The following HAUS8 variants were observed in gnomAD, a reference collection of about 807,000 sequenced individuals.
The protein encoded by HAUS8 is HAUS augmin like complex subunit 8.
In HAUS8, 38 loss-of-function variants were observed where a neutral mutation model predicts 42.9. The observed-to-expected ratio is 0.89, with a 90% CI of 0.68 to 1.16. The LOEUF (loss-of-function observed/expected upper bound fraction) is 1.16. HAUS8 is among the 50% of genes most tolerant of loss of function. HAUS8 has a pLI of 0.00. For missense variants in HAUS8, 494 were observed against 511.6 expected (o/e 0.97, Z 0.33); for synonymous variants, 199 against 205.8 (o/e 0.97, Z 0.28).
intron 2 of HAUS8, among the ~76,000 whole-genome samples, chr19:17,072,647 C>CT (rs889912501): frequency 1.4e-4 from 21 of 150,876 alleles, no homozygotes; most frequent in African/African-American, 2.2e-4. Flanking sequence ...GCCACATTTC[C>CT]TTTTTTTTTG....
intron 10 of HAUS8, chr19:17,051,855 G>C (rs2057289356): frequency 6.6e-6 from 1 of 151,592 alleles, no homozygotes; most frequent in African/African-American, 2.4e-5. Context: ...TTTTTAAATA[G>C]AGAGGCCCGG....
chr19:17,072,595 G>C (rs8101561), intron 2 of HAUS8, among the ~76,000 whole-genome samples: 106,165 of 151,140 alleles, frequency 0.7, 37,769 homozygotes, highest in African/African-American at 0.8. Flanking sequence ...CCACCTTGGC[G>C]CCTCAAACTG....
intron 3 of HAUS8, among the ~76,000 whole-genome samples, chr19:17,064,722 A>G (rs575935032): frequency 8.5e-5 from 13 of 152,360 alleles, no homozygotes; most frequent in African/African-American, 2.9e-4. Flanking sequence ...ACTAACTCAC[A>G]GACTTAAAAG....
At chr19:17,055,748 G>A in intron 9 of HAUS8, 113 bp downstream of exon 9, 1 of 1,185,776 alleles carries the variant, frequency 8.4e-7, no homozygotes, top group Non-Finnish European at 1.2e-6. Context: ...CCCATCCTCT[G>A]CCTTAGTTGG....
intron 3 of HAUS8, among the ~76,000 whole-genome samples, chr19:17,063,719 A>G (rs563102618): frequency 5.9e-5 from 9 of 152,150 alleles, no homozygotes; most frequent in Non-Finnish European, 1.2e-4. Flanking sequence ...GCCTGAATAC[A>G]ACAAAACAGT....
In HAUS8 at chr19:17,050,753, G is replaced by A. The variant is rs183278105; in HGVS notation, c.930-577C>T. Among the ~76,000 whole-genome samples the A allele has an allele frequency of 6.8e-3, 1,032 of 152,156 alleles. 4 individuals are homozygous for A. The highest frequency in any genetic ancestry group is 0.011 in the Non-Finnish European group (762 of 67,994). ...TCTATTAAAAATACAAAAATTAGCC[G>A]GGCGTGGTGGAACGCACCTGTAATC... On this transcript the variant is annotated intron_variant, in intron 10 of 10. Transcript: ENST00000253669.
chr19:17,068,610 G>C (rs955184685), intron 3 of HAUS8, among the ~76,000 whole-genome samples: 6 of 151,900 alleles, frequency 3.9e-5, no homozygotes, highest in South Asian at 2.1e-4. Context: ...CTACAAAAAC[G>C]TTTAAAAATT....
intron 1 of HAUS8, chr19:17,073,635 C>T (rs778608817): frequency 1.2e-5 from 5 of 412,914 alleles, no homozygotes; most frequent in African/African-American, 2.0e-5. Context: ...ATTCACCAGA[C>T]ATTGATGCAC....
chr19:17,068,703 G>A (rs1415619805), intron 3 of HAUS8, among the ~76,000 whole-genome samples: 2 of 152,082 alleles, frequency 1.3e-5, no homozygotes, highest in Non-Finnish European at 2.9e-5. Flanking sequence ...GGAGGCTGAG[G>A]CTGCAGTGAG....
At chr19:17,075,271 G>C (rs1011178385) in intron 1 of HAUS8, 123 bp downstream of exon 1, 2 of 1,077,618 alleles carry the variant, frequency 1.9e-6, no homozygotes, top group African/African-American at 3.1e-5. Context: ...TCAGGGGCCC[G>C]CGCAGTTCCT....
Position 17,059,996 on chromosome 19 carries a change from C to A in HAUS8, c.325+1G>T. Reference sequence around the variant, plus strand: ...CAGAAGGGGTGAAACAAATGATTTACCATTAATAGCAGAGAGATCCAGGTC... The same window carrying A: ...CAGAAGGGGTGAAACAAATGATTTAACATTAATAGCAGAGAGATCCAGGTC... On this transcript the variant is annotated splice_donor_variant, in intron 5 of 10. Coordinates refer to ENST00000253669, the MANE Select transcript of HAUS8 (RefSeq NM_033417.2). LOFTEE classifies it high-confidence loss of function. The A allele has an allele frequency of 6.2e-7, 1 of 1,605,016 alleles. No homozygotes were observed. Among genetic ancestry groups the A allele is most frequent in the Non-Finnish European group, 8.5e-7 (1 of 1,171,850 alleles).
chr19:17,068,967 G>A (rs62126058), intron 3 of HAUS8, 64 bp downstream of exon 3: 8 of 1,478,030 alleles, frequency 5.4e-6, no homozygotes, highest in African/African-American at 2.8e-5. Context: ...GACTAGTTTC[G>A]GAATTCCAGT....
intron 4 of HAUS8, among the ~76,000 whole-genome samples, chr19:17,060,988 G>C (rs1283929374): frequency 6.6e-6 from 1 of 152,142 alleles, no homozygotes; most frequent in Non-Finnish European, 1.5e-5. Context: ...AAAAGAGGAA[G>C]GTCACTGCAA....
In HAUS8 at chr19:17,049,825, G is replaced by T; in HGVS notation, c.*48C>A. 7.7e-7 allele frequency: 1 copy of T among 1,294,102 alleles called. No individual in the cohort carries two copies. The highest frequency in any genetic ancestry group is 2.1e-5 in the South Asian group (1 of 48,230). The allele number at this position is 1,294,102 out of a possible 1,614,324, so 80.2% of individuals were successfully genotyped here. A position where few individuals can be genotyped will look rare whatever the true frequency, so the allele number is the denominator to read the frequency against. On this transcript the variant is annotated 3_prime_UTR_variant, in exon 11 of 11. Transcript: ENST00000253669. ...TTATCACATAAAAAATAGCTACAGT[G>T]CTACGGTAGTATATAAAGTGCTCAA... is the stretch of plus-strand genomic sequence containing the variant.
intron 3 of HAUS8, among the ~76,000 whole-genome samples, chr19:17,066,246 C>T (rs893415225): frequency 7.2e-5 from 11 of 152,016 alleles, no homozygotes; most frequent in Non-Finnish European, 5.9e-5. Flanking sequence ...GTCACCATGC[C>T]CAGCCACTTG....
In HAUS8 at chr19:17,069,232, G is replaced by A; in HGVS notation, c.92-146C>T. 8.5e-6 allele frequency: 6 copies of A among 707,376 alleles called. No homozygotes were observed. The East Asian group carries it at 1.1e-4, about 13-fold the overall frequency. 43.8% of individuals were successfully genotyped at this position (707,376 alleles called of 1,614,324 possible). A position where few individuals can be genotyped will look rare whatever the true frequency, so the allele number is the denominator to read the frequency against. On this transcript the variant is annotated intron_variant, in intron 2 of 10. Coordinates refer to ENST00000253669, the MANE Select transcript of HAUS8 (RefSeq NM_033417.2). ...GAGGAGGTCACCACTCCTCCTGCTC[G>A]CCTCTGATCACGTCCTTCGGCAGCC...
At chr19:17,072,412 G>A (rs1442354615) in intron 2 of HAUS8, among the ~76,000 whole-genome samples, 3 of 139,700 alleles carry the variant, frequency 2.1e-5, no homozygotes, top group East Asian at 2.1e-4. Context: ...GCGCGATCTC[G>A]GCTCACAGCA....
chr19:17,054,645 TACA>T (rs2057308913), intron 9 of HAUS8, among the ~76,000 whole-genome samples: 1 of 151,296 alleles, frequency 6.6e-6, no homozygotes, highest in Non-Finnish European at 1.5e-5. Context: ...CTACTAAAAA[TACA>T]ACATTAGCCG....
Position 17,055,975 on chromosome 19 carries a change from C to T in HAUS8, c.673G>A (p.Val225Met). 3 of 1,614,186 alleles carry T rather than the reference C, an allele frequency of 1.9e-6. No homozygotes were observed. The highest frequency in any genetic ancestry group is 1.3e-5 in the African/African-American group (1 of 75,074). ...QIEMLSPFEA[V>M]ATRFKEQYRT... Reference sequence around the variant, plus strand: ...TATTGCTCCTTGAAGCGTGTGGCCACTGCCTCGAAGGGGCTGAGCATCTCG... The same window carrying T: ...TATTGCTCCTTGAAGCGTGTGGCCATTGCCTCGAAGGGGCTGAGCATCTCG... The change falls in exon 9 of 11, where the codon GTG becomes ATG. Residue 225 changes from valine to methionine, a missense_variant. Val to Met is a conservative substitution (Grantham distance 21, BLOSUM62 1). Transcript: ENST00000253669.
Sources: gnomAD v4.1 joint callset for allele counts (sites outside exome capture counted in the v4.1 genomes callset) on GRCh38, gnomAD v4.1.1 for gene constraint, MANE v1.5 for transcripts, NCBI Gene and HGNC (gene_info 2026-07-23, HGNC 2026-07-21) for gene names.